TMEM232: variants seen among roughly 807,000 people sequenced by gnomAD.
The protein encoded by TMEM232 is transmembrane protein 232.
A neutral mutation model predicts 78.8 loss-of-function variants in TMEM232; 80 were observed. The ratio of observed to expected loss-of-function variants is 1.01; its 90% confidence interval spans 0.85 to 1.22. TMEM232 has a LOEUF of 1.22. TMEM232 is among the 50% of genes most tolerant of loss of function. The pLI is 0.00. For missense variants in TMEM232, 881 were observed against 742.2 expected, an observed-to-expected ratio of 1.19 and a Z score of -2.17; for synonymous variants, 297 against 254.3, an observed-to-expected ratio of 1.17 and a Z score of -1.60.
At chr5:110,472,072 A>G (rs1762749871) in intron 12 of TMEM232, among the ~76,000 whole-genome samples, 1 of 152,060 alleles carries the variant, frequency 6.6e-6, no homozygotes, top group African/African-American at 2.4e-5. Context: ...AAAGAAGGAA[A>G]GAAAATGCAT....
chr5:110,698,277 G>C (rs1444785101), intron 1 of TMEM232, among the ~76,000 whole-genome samples: 1 of 151,674 alleles, frequency 6.6e-6, no homozygotes, highest in Non-Finnish European at 1.5e-5. Context: ...CACACACCAG[G>C]GACTGTTGTG....
At chr5:110,635,632 T>G in intron 5 of TMEM232, among the ~76,000 whole-genome samples, 1 of 151,978 alleles carries the variant, frequency 6.6e-6, no homozygotes. Flanking sequence ...TCAGCATCCC[T>G]TCATGATAAA....
At chr5:110,569,971 T>C (rs983935261) in intron 10 of TMEM232, among the ~76,000 whole-genome samples, 2 of 151,860 alleles carry the variant, frequency 1.3e-5, no homozygotes, top group Non-Finnish European at 2.9e-5. Context: ...TTCTTTCTAG[T>C]CATGACCTTC....
chr5:110,528,885 GA>G (rs956405683), intron 11 of TMEM232, 50 bp from the exon 12 acceptor site: 48 of 1,252,350 alleles, frequency 3.8e-5, no homozygotes, highest in Middle Eastern at 2.5e-4. Flanking sequence ...TTAAATGGGA[GA>G]AAAAAAATCG....
rs139320821 is a variant in TMEM232 at position 110,571,271 on chromosome 5, T to C, written c.1277-2646A>G. Among the ~76,000 whole-genome samples, 1,011 of 152,146 alleles carry C rather than the reference T, an allele frequency of 6.6e-3. 21 individuals are homozygous for C. The highest frequency in any genetic ancestry group is 0.023 in the African/African-American group (936 of 41,542). On this transcript the variant is annotated intron_variant, in intron 10 of 13. Coordinates refer to ENST00000455884, the MANE Select transcript of TMEM232 (RefSeq NM_001039763.4). The stretch of plus-strand genomic sequence containing the variant: ...TGCCTACAACAAAGTACCTACAACA[T>C]AGTAGATCTAATTTATAAAAATCTG...
chr5:110,442,487 T>C (rs1414158960), intron 12 of TMEM232, among the ~76,000 whole-genome samples: 1 of 152,056 alleles, frequency 6.6e-6, no homozygotes, highest in Non-Finnish European at 1.5e-5. Flanking sequence ...ATTTCAATCT[T>C]TTTGTTAAAC....
chr5:110,599,389 A>G (rs563830305), intron 10 of TMEM232, among the ~76,000 whole-genome samples: 12 of 152,318 alleles, frequency 7.9e-5, no homozygotes, highest in African/African-American at 2.4e-4. Context: ...CTGGATAAAG[A>G]GTCAAGATCC....
chr5:110,575,890 C>G (rs1011109204), intron 10 of TMEM232, among the ~76,000 whole-genome samples: 1 of 152,092 alleles, frequency 6.6e-6, no homozygotes, highest in East Asian at 1.9e-4. Context: ...CTCAGGCATA[C>G]AAGGGGACCC....
intron 10 of TMEM232, among the ~76,000 whole-genome samples, chr5:110,578,960 C>T (rs753085849): frequency 3.3e-5 from 5 of 151,760 alleles, no homozygotes; most frequent in African/African-American, 4.8e-5. Flanking sequence ...CTGGACACTT[C>T]GCAAATCTAG....
chr5:110,575,783 T>A (rs1777510285), intron 10 of TMEM232, among the ~76,000 whole-genome samples: 1 of 151,848 alleles, frequency 6.6e-6, no homozygotes, highest in Non-Finnish European at 1.5e-5. Flanking sequence ...CTCCCACAGA[T>A]CTTTGCAACC....
chr5:110,627,184 C>T (rs1580413913), intron 6 of TMEM232, among the ~76,000 whole-genome samples: 1 of 151,956 alleles, frequency 6.6e-6, no homozygotes, highest in South Asian at 2.1e-4. Context: ...CTTCAGCTCC[C>T]GCTTGAATTT....
chr5:110,479,563 T>C (rs1254050533), intron 12 of TMEM232, among the ~76,000 whole-genome samples: 1 of 151,906 alleles, frequency 6.6e-6, no homozygotes, highest in South Asian at 2.1e-4. Context: ...ATCATTTTTA[T>C]TTGATTCTTT....
intron 11 of TMEM232, among the ~76,000 whole-genome samples, chr5:110,539,188 A>G (rs893628561): frequency 2.6e-5 from 4 of 152,194 alleles, no homozygotes; most frequent in Non-Finnish European, 4.4e-5. Flanking sequence ...GCCAGTCAAA[A>G]TACGCTTAAA....
At chr5:110,588,613 G>A (rs1475216647) in intron 10 of TMEM232, among the ~76,000 whole-genome samples, 3 of 152,058 alleles carry the variant, frequency 2.0e-5, no homozygotes, top group South Asian at 2.1e-4. Flanking sequence ...AAAATGAATC[G>A]ATTTATTTTG....
chr5:110,457,268 T>C (rs1761011409), intron 12 of TMEM232, among the ~76,000 whole-genome samples: 1 of 152,082 alleles, frequency 6.6e-6, no homozygotes, highest in Non-Finnish European at 1.5e-5. Flanking sequence ...AGAGAATTTG[T>C]TCTACATAAT....
rs546136379 is a variant in TMEM232, at chr5:110,420,582, A to G, written c.1972T>C (p.Ter658GlnextTer28). 1.4e-5 allele frequency: 20 copies of G among 1,453,712 alleles called. No homozygotes were observed. In the South Asian group the frequency reaches 2.7e-4, roughly 20 times the overall value. 90.1% of individuals were successfully genotyped at this position (1,453,712 alleles called of 1,614,324 possible). Residue 658 changes from the stop codon to glutamine (Q), a stop_lost, in exon 14 of 14, where the codon TAA (stop) becomes CAA (glutamine). Transcript: ENST00000455884. ...YELPYRKEVI[*>Q] Reference sequence around the variant, plus strand: ...GGAGGTGACATTTTCTTTTCTAATTAAATTACTTCCTTCCTATAAGGAAGT... The same window carrying G: ...GGAGGTGACATTTTCTTTTCTAATTGAATTACTTCCTTCCTATAAGGAAGT...
intron 2 of TMEM232, among the ~76,000 whole-genome samples, chr5:110,643,906 C>T (rs991546040): frequency 6.6e-6 from 1 of 151,878 alleles, no homozygotes; most frequent in Non-Finnish European, 1.5e-5. Flanking sequence ...AAATAATCAA[C>T]CCTTTAACTG....
intron 11 of TMEM232, among the ~76,000 whole-genome samples, chr5:110,553,288 G>C (rs1774681783): frequency 6.6e-6 from 1 of 152,018 alleles, no homozygotes; most frequent in African/African-American, 2.4e-5. Context: ...TAGTTCAATA[G>C]GAATAACATT....
chr5:110,497,543 T>A (rs1034616807), intron 12 of TMEM232, among the ~76,000 whole-genome samples: 28 of 152,152 alleles, frequency 1.8e-4, no homozygotes, highest in Non-Finnish European at 3.5e-4. Context: ...CTGAAGGATA[T>A]TTTAATAAGG....
Sources: gnomAD v4.1 joint callset for allele counts (sites outside exome capture counted in the v4.1 genomes callset) on GRCh38, gnomAD v4.1.1 for gene constraint, MANE v1.5 for transcripts, NCBI Gene and HGNC (gene_info 2026-07-23, HGNC 2026-07-21) for gene names.